The following PPEF2 variants were observed in gnomAD, a reference collection of about 807,000 sequenced individuals.
PPEF2 encodes the protein serine/threonine-protein phosphatase with EF-hands 2.
In PPEF2, 84 loss-of-function variants were observed where a neutral mutation model predicts 84.7. The observed-to-expected ratio is 0.99, with a 90% CI of 0.83 to 1.19. The LOEUF (loss-of-function observed/expected upper bound fraction) is 1.19, where lower values mean the gene tolerates loss of function less well. Ranked by LOEUF, PPEF2 falls within the 50% of genes most tolerant of loss-of-function variation. PPEF2 has a pLI of 0.00. For missense variants in PPEF2, 924 were observed against 937.5 expected, an observed-to-expected ratio of 0.99 and a Z score of 0.19; for synonymous variants, 346 against 345.2, an observed-to-expected ratio of 1.00 and a Z score of -0.03.
At chr4:75,897,493 AC>A (rs1725035313) in intron 1 of PPEF2, among the ~76,000 whole-genome samples, 1 of 151,994 alleles carries the variant, frequency 6.6e-6, no homozygotes, top group Non-Finnish European at 1.5e-5. Context: ...TCCAAACAGA[AC>A]CCATCTTCCA....
chr4:75,900,832 A>T (rs781226843), intron 1 of PPEF2, among the ~76,000 whole-genome samples: 9 of 152,214 alleles, frequency 5.9e-5, no homozygotes, highest in Non-Finnish European at 1.2e-4. Context: ...TTCCACCATG[A>T]CAAAGAACAA....
chr4:75,880,509 C>T lies in PPEF2; in HGVS notation c.933+2417G>A, dbSNP rs753578709. Among the ~76,000 whole-genome samples the T allele has an allele frequency of 3.3e-5, 5 of 152,126 alleles. 1 individual carries two copies. The highest frequency in any genetic ancestry group is 2.9e-5 in the Non-Finnish European group (2 of 68,018). ...GCTAAGCCACAGAAAATAAACTTTT[C>T]GTTAGCATTCTTTCCCAGAGTTCCT... On this transcript the variant is annotated intron_variant, in intron 10 of 16. Transcript: ENST00000286719.
chr4:75,881,230 G>T, intron 10 of PPEF2: 1 of 151,564 alleles, frequency 6.6e-6, no homozygotes, highest in Non-Finnish European at 1.5e-5. Context: ...CTCCTGAGTA[G>T]CTGGGATTAC....
Position 75,872,118 on chromosome 4 carries a change from C to G in PPEF2, c.1556G>C (p.Arg519Thr). ...ASNYYEVGSN[R>T]GAYVKLGPAL... The stretch of plus-strand genomic sequence containing the variant: ...TGGCCCCAGTTTGACATAGGCCCCT[C>G]TGTTGCTGCCAACTTCATAGTAGTT... The change falls in exon 13 of 17, where the codon AGA becomes ACA. Residue 519 changes from arginine to threonine, a missense_variant. Physicochemically the swap from Arg to Thr is moderately conservative, Grantham distance 71. Transcript: ENST00000286719. 1 of 1,613,954 alleles carries G rather than the reference C, an allele frequency of 6.2e-7. No individual in the cohort carries two copies. The highest frequency in any genetic ancestry group is 8.5e-7 in the Non-Finnish European group (1 of 1,179,884).
intron 1 of PPEF2, among the ~76,000 whole-genome samples, chr4:75,901,727 A>G (rs766315178): frequency 2.0e-5 from 3 of 152,198 alleles, no homozygotes; most frequent in Admixed American, 1.3e-4. Context: ...TGATGAGTAC[A>G]TCCACCCAAC....
intron 7 of PPEF2, among the ~76,000 whole-genome samples, chr4:75,886,283 T>C (rs1724721080): frequency 1.3e-5 from 2 of 152,078 alleles, no homozygotes; most frequent in African/African-American, 4.8e-5. Flanking sequence ...GGATAGCCAG[T>C]CTCCTGCCAT....
At chr4:75,898,961 C>T (rs1725065380) in intron 1 of PPEF2, among the ~76,000 whole-genome samples, 1 of 151,958 alleles carries the variant, frequency 6.6e-6, no homozygotes, top group African/African-American at 2.4e-5. Context: ...CTTATTCCTT[C>T]TATCTAACTG....
chr4:75,897,099 T>C (rs1165042613), intron 1 of PPEF2, among the ~76,000 whole-genome samples: 4 of 152,058 alleles, frequency 2.6e-5, no homozygotes, highest in African/African-American at 9.7e-5. Context: ...GTGATCCGCT[T>C]GCCTCGGCCT....
intron 10 of PPEF2, among the ~76,000 whole-genome samples, chr4:75,880,107 C>T (rs548922329): frequency 2.6e-4 from 40 of 152,240 alleles, no homozygotes; most frequent in African/African-American, 9.1e-4. Flanking sequence ...GGATTACAGG[C>T]GTGAGCCACT....
At chr4:75,873,760 C>G (rs1036766046) in intron 11 of PPEF2, among the ~76,000 whole-genome samples, 3 of 151,908 alleles carry the variant, frequency 2.0e-5, no homozygotes, top group African/African-American at 7.3e-5. Context: ...TGGGAAAATG[C>G]AATCGACATT....
intron 11 of PPEF2, among the ~76,000 whole-genome samples, chr4:75,874,998 T>C (rs1724373827): frequency 6.6e-6 from 1 of 150,678 alleles, no homozygotes; most frequent in African/African-American, 2.5e-5. Flanking sequence ...GCCTCCTGGG[T>C]GCGTGACATT....
chr4:75,889,811 G>T, intron 5 of PPEF2, 146 bp downstream of exon 5: 1 of 860,938 alleles, frequency 1.2e-6, no homozygotes, highest in Non-Finnish European at 1.8e-6. Context: ...CAAGGTCCTG[G>T]CTAAGCACAG....
intron 7 of PPEF2, among the ~76,000 whole-genome samples, chr4:75,885,456 T>A (rs1057448626): frequency 1.3e-5 from 2 of 152,202 alleles, no homozygotes; most frequent in African/African-American, 4.8e-5. Flanking sequence ...CCCTTCTAGT[T>A]ATTAACCAAA....
At chr4:75,887,798 G>A (rs1309591397) in intron 6 of PPEF2, among the ~76,000 whole-genome samples, 1 of 152,128 alleles carries the variant, frequency 6.6e-6, no homozygotes, top group Admixed American at 6.6e-5. Context: ...CATAAGATGG[G>A]GAAAACAGTC....
intron 1 of PPEF2, among the ~76,000 whole-genome samples, chr4:75,897,502 C>T (rs1725035423): frequency 6.6e-6 from 1 of 152,130 alleles, no homozygotes; most frequent in South Asian, 2.1e-4. Flanking sequence ...AACCCATCTT[C>T]CAGGCCATGT....
At chr4:75,872,219 C>T in intron 12 of PPEF2, 52 bp from the exon 13 acceptor site, 5 of 1,567,170 alleles carry the variant, frequency 3.2e-6, no homozygotes, top group East Asian at 2.3e-5. Context: ...AAGAAACCTT[C>T]ACCCTCAATC....
In PPEF2 at chr4:75,860,445, T is replaced by G. The variant is rs961366797; in HGVS notation, c.*222A>C. On this transcript the variant is annotated 3_prime_UTR_variant, in exon 17 of 17. Transcript: ENST00000286719. The stretch of plus-strand genomic sequence containing the variant: ...AAAACACTATACCTAAGTTCTACTT[T>G]GTGAAGATTGTGAGGTGGGGTTGGG... 6 of 579,260 alleles carry G rather than the reference T, an allele frequency of 1.0e-5. No individual in the cohort carries two copies. Among genetic ancestry groups the G allele is most frequent in the Non-Finnish European group, 1.8e-5 (6 of 331,140 alleles). 35.9% of individuals were successfully genotyped at this position (579,260 alleles called of 1,614,324 possible).
intron 11 of PPEF2, 66 bp downstream of exon 11, chr4:75,876,221 C>T (rs1724402632): frequency 4.0e-6 from 6 of 1,511,038 alleles, no homozygotes; most frequent in Admixed American, 4.3e-5. Flanking sequence ...CCTGAGTTTC[C>T]CTGGAAGGGA....
At chr4:75,891,557 T>C (rs1724882408) in intron 4 of PPEF2, 91 bp downstream of exon 4, 2 of 1,397,516 alleles carry the variant, frequency 1.4e-6, no homozygotes, top group African/African-American at 1.4e-5. Context: ...GTCACCAGAT[T>C]CACGGTTTCA....
Sources: gnomAD v4.1 joint callset for allele counts (sites outside exome capture counted in the v4.1 genomes callset) on GRCh38, gnomAD v4.1.1 for gene constraint, MANE v1.5 for transcripts, NCBI Gene and HGNC (gene_info 2026-07-23, HGNC 2026-07-21) for gene names.